SYT16: variants seen among roughly 807,000 people sequenced by gnomAD.
The protein encoded by SYT16 is synaptotagmin 16, also known as synaptotagmin-16.
A neutral mutation model predicts 61.4 loss-of-function variants in SYT16; 42 were observed. That is an observed-to-expected ratio of 0.68 (90% CI 0.53 to 0.89). The LOEUF (loss-of-function observed/expected upper bound fraction) is 0.89. Among genes scored for constraint, SYT16 ranks in the 40% least tolerant of loss-of-function variants. The pLI, the probability that SYT16 is intolerant of heterozygous loss-of-function variation, is 0.00. For synonymous variants in SYT16, 314 were observed against 302.3 expected (o/e 1.04, Z -0.40); for missense variants, 804 against 807.3 (o/e 1.00, Z 0.05).
At chr14:61,895,509 A>G (rs1205010079) in intron 1 of SYT16, among the ~76,000 whole-genome samples, 1 of 152,220 alleles carries the variant, frequency 6.6e-6, no homozygotes, top group African/African-American at 2.4e-5. Flanking sequence ...GAATATAAAT[A>G]CTTGTCTCAA....
At chr14:61,842,316 C>T (rs2046322193) in intron 1 of SYT16, among the ~76,000 whole-genome samples, 1 of 152,172 alleles carries the variant, frequency 6.6e-6, no homozygotes, top group African/African-American at 2.4e-5. Flanking sequence ...CCCACCTTAT[C>T]CTCCTGCCAC....
intron 1 of SYT16, among the ~76,000 whole-genome samples, chr14:61,954,143 A>G (rs192383647): frequency 1.3e-5 from 2 of 152,286 alleles, no homozygotes; most frequent in African/African-American, 2.4e-5. Context: ...GTGATGGCAG[A>G]AAGTTTATAA....
At chr14:61,868,664 A>G (rs1306152688) in intron 1 of SYT16, among the ~76,000 whole-genome samples, 1 of 151,972 alleles carries the variant, frequency 6.6e-6, no homozygotes, top group Non-Finnish European at 1.5e-5. Context: ...TTTCAATAAC[A>G]TTTGTATGAG....
intron 3 of SYT16, among the ~76,000 whole-genome samples, chr14:62,054,346 A>G (rs1036180318): frequency 1.5e-5 from 2 of 137,284 alleles, no homozygotes; most frequent in Non-Finnish European, 3.1e-5. Context: ...AAAAGCTGTT[A>G]CTTAGTGAAG....
At position 62,112,118 on chromosome 14, in the gene SYT16, T is replaced by G. The variant is rs572218280; in HGVS notation, c.*11411T>G. 2 of 152,276 alleles carry G rather than the reference T, an allele frequency of 1.3e-5. No individual in the cohort carries two copies. The highest frequency in any genetic ancestry group is 4.8e-5 in the African/African-American group (2 of 41,574). 9.4% of individuals were successfully genotyped at this position (152,276 alleles called of 1,614,324 possible). ...GTTTTAATGTATTACTATCTTACTA[T>G]TATGTATTGTGTTTAAACAAGACCA... On this transcript the variant is annotated 3_prime_UTR_variant, in exon 8 of 8. Transcript: ENST00000683842.
chr14:61,889,149 C>G (rs1213308240), intron 1 of SYT16, among the ~76,000 whole-genome samples: 1 of 152,162 alleles, frequency 6.6e-6, no homozygotes, highest in Admixed American at 6.5e-5. Flanking sequence ...AGGAGAGAGC[C>G]TGGACTCAAC....
intron 1 of SYT16, among the ~76,000 whole-genome samples, chr14:61,815,229 C>T (rs372523436): frequency 1.3e-5 from 2 of 152,338 alleles, no homozygotes; most frequent in South Asian, 4.1e-4. Flanking sequence ...CTCCTTACCT[C>T]TGCAGGTGAG....
chr14:62,043,407 CTTT>C (rs1203186408), intron 3 of SYT16, among the ~76,000 whole-genome samples: 5 of 122,552 alleles, frequency 4.1e-5, no homozygotes, highest in Non-Finnish European at 5.1e-5. Context: ...ATTTTTCTTT[CTTT>C]TTTTTTTTTT....
At position 61,820,592 on chromosome 14, in the gene SYT16, C is replaced by A. The variant is rs944264229; in HGVS notation, c.-325+7782C>A. ...CGCCTCCTGGGTTCAAGCGATTCTC[C>A]TGCCTCAGCCTCCTGAGTAGCTGGG... On this transcript the variant is annotated intron_variant, in intron 1 of 7. Transcript: ENST00000683842. 2.7e-5 allele frequency among the ~76,000 whole-genome samples: 4 copies of A among 145,960 alleles called. No individual in the cohort carries two copies. In the South Asian group the frequency reaches 8.8e-4, roughly 32 times the overall value.
At chr14:61,830,449 G>A (rs1192640224) in intron 1 of SYT16, among the ~76,000 whole-genome samples, 1 of 152,146 alleles carries the variant, frequency 6.6e-6, no homozygotes, top group East Asian at 1.9e-4. Flanking sequence ...CTGCTATTCT[G>A]ATCTGCTCTA....
chr14:62,078,155 C>CTCTCTCTCTCTATATA (rs766089633), intron 5 of SYT16, among the ~76,000 whole-genome samples: 2 of 135,936 alleles, frequency 1.5e-5, no homozygotes, highest in African/African-American at 5.8e-5. Context: ...CTCTCTCTCT[C>CTCTCTCTCTCTATATA]TATATATATA....
chr14:61,949,381 T>A (rs942017457), intron 1 of SYT16, among the ~76,000 whole-genome samples: 1 of 152,240 alleles, frequency 6.6e-6, no homozygotes, highest in African/African-American at 2.4e-5. Context: ...TTAATTAGAA[T>A]GAACCAGTCC....
Position 62,100,612 on chromosome 14 carries a change from A to T in SYT16, c.1843A>T (p.Asn615Tyr), listed in dbSNP as rs569609437. 6.2e-7 allele frequency: 1 copy of T among 1,613,848 alleles called. No individual in the cohort carries two copies. Among genetic ancestry groups the T allele is most frequent in the South Asian group, 1.1e-5 (1 of 91,068 alleles). ...GATTGGCTGGATTGCCCTGGGCCAG[A>T]ACAGCAGTGGAGAGGAGGAACAAGA... ...EMIGWIALGQNSSGEEEQDHW... is the reference protein window; with the variant it reads ...EMIGWIALGQYSSGEEEQDHW... The change falls in exon 8 of 8, where the codon AAC becomes TAC. Residue 615 changes from asparagine to tyrosine, a missense_variant. Asn to Tyr is a moderately radical substitution (Grantham distance 143). Coordinates refer to ENST00000683842, the MANE Select transcript of SYT16 (RefSeq NM_001367656.1).
chr14:62,083,787 C>A (rs911696507), intron 6 of SYT16, among the ~76,000 whole-genome samples: 1 of 152,092 alleles, frequency 6.6e-6, no homozygotes, highest in Non-Finnish European at 1.5e-5. Context: ...CAAGGAGCTG[C>A]AGAGAACAGA....
rs754941501 is a variant in SYT16, at chr14:62,110,443, T to A, written c.*9736T>A. 2.0e-5 allele frequency: 3 copies of A among 152,162 alleles called. No individual in the cohort carries two copies. Among genetic ancestry groups the A allele is most frequent in the Non-Finnish European group, 4.4e-5 (3 of 67,992 alleles). The allele number at this position is 152,162 out of a possible 1,614,324, so 9.4% of individuals were successfully genotyped here. On this transcript the variant is annotated 3_prime_UTR_variant, in exon 8 of 8. Transcript: ENST00000683842. ...ATGGAAAGACGTTTTGCAGAATTTT[T>A]GAAGACTTGCAATGTTTTTGAAGAC... is the stretch of plus-strand genomic sequence containing the variant.
intron 3 of SYT16, among the ~76,000 whole-genome samples, chr14:62,049,288 A>G (rs1439443249): frequency 6.6e-6 from 1 of 152,168 alleles, no homozygotes; most frequent in Non-Finnish European, 1.5e-5. Context: ...ATCAGAGACT[A>G]GGATTGCAAG....
intron 1 of SYT16, among the ~76,000 whole-genome samples, chr14:61,857,051 A>T (rs1056660752): frequency 6.6e-6 from 1 of 152,180 alleles, no homozygotes; most frequent in Non-Finnish European, 1.5e-5. Flanking sequence ...TATTTGGGAG[A>T]TGATCCCAGG....
intron 1 of SYT16, among the ~76,000 whole-genome samples, chr14:61,948,677 C>G (rs761514364): frequency 3.3e-5 from 5 of 152,078 alleles, no homozygotes; most frequent in Non-Finnish European, 7.4e-5. Flanking sequence ...TGGTAGCACT[C>G]AATGACAGCT....
At chr14:62,028,389 T>A (rs2054181780) in intron 3 of SYT16, among the ~76,000 whole-genome samples, 1 of 152,196 alleles carries the variant, frequency 6.6e-6, no homozygotes. Flanking sequence ...GTAAATACTA[T>A]TAACTCCATT....
Sources: gnomAD v4.1 joint callset for allele counts (sites outside exome capture counted in the v4.1 genomes callset) on GRCh38, gnomAD v4.1.1 for gene constraint, MANE v1.5 for transcripts, NCBI Gene and HGNC (gene_info 2026-07-23, HGNC 2026-07-21) for gene names.